The following PTPRD variants were observed in gnomAD, a reference collection of about 807,000 sequenced individuals.
The protein encoded by PTPRD is receptor-type tyrosine-protein phosphatase delta.
Under a neutral mutation model 214.5 loss-of-function variants are expected in PTPRD, and 34 were observed. The observed-to-expected ratio is 0.16, with a 90% CI of 0.12 to 0.21. The LOEUF is 0.21. Ranked by LOEUF, PTPRD falls within the 10% of genes least tolerant of loss-of-function variation. The pLI, the probability that PTPRD is intolerant of heterozygous loss-of-function variation, is 1.00. For synonymous variants in PTPRD, 1,128 were observed against 845.7 expected (o/e 1.33, Z -5.79); for missense variants, 2,545 against 2,398.7 (o/e 1.06, Z -1.27).
At chr9:8,738,700 T>G (rs1320481131) in intron 11 of PTPRD, among the ~76,000 whole-genome samples, 2 of 152,066 alleles carry the variant, frequency 1.3e-5, no homozygotes, top group Non-Finnish European at 2.9e-5. Flanking sequence ...CACTGGTTAC[T>G]CTAGGAGAAA....
chr9:9,381,835 A>G (rs2062387869), intron 9 of PTPRD, among the ~76,000 whole-genome samples: 1 of 151,278 alleles, frequency 6.6e-6, no homozygotes, highest in East Asian at 1.9e-4. Context: ...TTTTTTCCCC[A>G]AGATTGCTTT....
chr9:9,879,003 T>G (rs2067767345), intron 5 of PTPRD, among the ~76,000 whole-genome samples: 1 of 152,196 alleles, frequency 6.6e-6, no homozygotes, highest in South Asian at 2.1e-4. Flanking sequence ...TTACTCTATG[T>G]GCCCTCAAAA....
In PTPRD at chr9:8,808,295, C is replaced by A. The variant is rs552879460; in HGVS notation, c.-103-74349G>T. ...AACCACAGTGCTGCTCCCATTTGCT[C>A]CCTCCACCACAATCCTACTCCGTGC... On this transcript the variant is annotated intron_variant, in intron 11 of 45. Transcript: ENST00000381196. 7.2e-5 allele frequency among the ~76,000 whole-genome samples: 11 copies of A among 152,214 alleles called. No individual in the cohort carries two copies. In the South Asian group the frequency reaches 1.5e-3, roughly 20 times the overall value.
chr9:9,153,765 C>T (rs938630635), intron 10 of PTPRD, among the ~76,000 whole-genome samples: 3 of 152,156 alleles, frequency 2.0e-5, no homozygotes, highest in African/African-American at 7.2e-5. Context: ...CAACATTCAT[C>T]TACTGCAGTG....
chr9:10,596,565 T>C (rs757590905), intron 2 of PTPRD, among the ~76,000 whole-genome samples: 1 of 151,712 alleles, frequency 6.6e-6, no homozygotes, highest in Non-Finnish European at 1.5e-5. Flanking sequence ...CTACTTATTA[T>C]GGAATGGCAT....
chr9:10,195,166 T>G (rs952566354), intron 3 of PTPRD, among the ~76,000 whole-genome samples: 4 of 145,560 alleles, frequency 2.7e-5, no homozygotes, highest in Admixed American at 7.3e-5. Flanking sequence ...GCCAGGCTGG[T>G]CTTGACCTTT....
At chr9:10,323,006 A>G (rs1187960497) in intron 3 of PTPRD, among the ~76,000 whole-genome samples, 2 of 151,990 alleles carry the variant, frequency 1.3e-5, no homozygotes, top group Non-Finnish European at 1.5e-5. Context: ...CAACAAAATT[A>G]TTTGATTCAT....
At chr9:9,488,644 G>A (rs2095762715) in intron 8 of PTPRD, among the ~76,000 whole-genome samples, 2 of 152,178 alleles carry the variant, frequency 1.3e-5, no homozygotes, top group South Asian at 2.1e-4. Context: ...CAAGGAATTT[G>A]TCTCCCCACT....
At chr9:9,624,706 G>A (rs1564132030) in intron 7 of PTPRD, among the ~76,000 whole-genome samples, 1 of 152,086 alleles carries the variant, frequency 6.6e-6, no homozygotes, top group Non-Finnish European at 1.5e-5. Context: ...AAACATCTCA[G>A]TGGGATCGAT....
At position 10,452,581 on chromosome 9, in the gene PTPRD, C is replaced by T. The variant is rs537209423; in HGVS notation, c.-599-111564G>A. Among the ~76,000 whole-genome samples the T allele has an allele frequency of 1.9e-3, 292 of 151,720 alleles. 1 individual carries two copies. Among genetic ancestry groups the T allele is most frequent in the Non-Finnish European group, 2.0e-3 (136 of 67,698 alleles). On this transcript the variant is annotated intron_variant, in intron 2 of 45. Transcript: ENST00000381196. ...TTTTCCTGATTAGTGTTGTTCACCT[C>T]TCTGATGATTAATGATTTACCTAGT...
intron 6 of PTPRD, among the ~76,000 whole-genome samples, chr9:9,759,277 A>T (rs2098627672): frequency 6.6e-6 from 1 of 152,114 alleles, no homozygotes; most frequent in African/African-American, 2.4e-5. Context: ...TTAAAATATT[A>T]AACTACTATG....
chr9:10,200,104 G>A (rs1593972557), intron 3 of PTPRD, among the ~76,000 whole-genome samples: 1 of 151,980 alleles, frequency 6.6e-6, no homozygotes, highest in Non-Finnish European at 1.5e-5. Context: ...TTTGTGACGT[G>A]CAATATGTAC....
intron 11 of PTPRD, among the ~76,000 whole-genome samples, chr9:8,999,935 C>A (rs192907346): frequency 1.3e-5 from 2 of 152,032 alleles, no homozygotes; most frequent in Admixed American, 1.3e-4. Context: ...AAACTAGGGT[C>A]AAAGTATCTG....
At chr9:8,443,085 C>T (rs1220286357) in intron 34 of PTPRD, among the ~76,000 whole-genome samples, 1 of 152,148 alleles carries the variant, frequency 6.6e-6, no homozygotes, top group Non-Finnish European at 1.5e-5. Context: ...GTTGAGGCTA[C>T]AGTAAGCTAT....
At chr9:10,447,157 T>C (rs141008296) in intron 2 of PTPRD, among the ~76,000 whole-genome samples, 1 of 150,522 alleles carries the variant, frequency 6.6e-6, no homozygotes, top group African/African-American at 2.5e-5. Flanking sequence ...AAAGTCTCCT[T>C]TCTAGATCTC....
At chr9:9,677,287 T>C (rs2096953267) in intron 7 of PTPRD, among the ~76,000 whole-genome samples, 1 of 152,086 alleles carries the variant, frequency 6.6e-6, no homozygotes, top group Admixed American at 6.6e-5. Flanking sequence ...CTTTAATCCA[T>C]CTTGAGTTAA....
intron 7 of PTPRD, among the ~76,000 whole-genome samples, chr9:9,698,376 G>A (rs2097423290): frequency 6.6e-6 from 1 of 152,124 alleles, no homozygotes; most frequent in Non-Finnish European, 1.5e-5. Flanking sequence ...AGTGCCTTAA[G>A]CCCGGGTTTG....
chr9:9,466,133 C>G (rs1467075514), intron 8 of PTPRD, among the ~76,000 whole-genome samples: 2 of 151,924 alleles, frequency 1.3e-5, no homozygotes, highest in East Asian at 1.9e-4. Context: ...CATGGCAAAA[C>G]CTCCTCTATA....
At chr9:10,459,427 T>C (rs745514126) in intron 2 of PTPRD, among the ~76,000 whole-genome samples, 1 of 152,168 alleles carries the variant, frequency 6.6e-6, no homozygotes, top group Non-Finnish European at 1.5e-5. Flanking sequence ...GTAATGGGAT[T>C]GCTGGGTCAA....
Sources: allele counts gnomAD v4.1 joint callset (sites outside exome capture counted in the v4.1 genomes callset), GRCh38; gene constraint gnomAD v4.1.1; transcripts MANE v1.5; gene names NCBI Gene and HGNC (gene_info 2026-07-23, HGNC 2026-07-21).